Variants in DLC1 observed in about 807,000 individuals in gnomAD.
The protein encoded by DLC1 is DLC1 Rho GTPase activating protein.
In DLC1, 54 loss-of-function variants were observed where a neutral mutation model predicts 140.3. The observed-to-expected ratio is 0.38, with a 90% CI of 0.31 to 0.48. The LOEUF is 0.48. Among genes scored for constraint, DLC1 ranks in the 20% least tolerant of loss-of-function variants. DLC1 has a pLI of 0.96. For synonymous variants in DLC1, 986 were observed against 728.1 expected, an observed-to-expected ratio of 1.35 and a Z score of -5.70; for missense variants, 2,536 against 1,907.0, an observed-to-expected ratio of 1.33 and a Z score of -6.14.
chr8:13,233,662 A>G (rs1829155962), intron 5 of DLC1, among the ~76,000 whole-genome samples: 1 of 152,242 alleles, frequency 6.6e-6, no homozygotes, highest in Non-Finnish European at 1.5e-5. Flanking sequence ...ATCTTCTATC[A>G]CATTGCTTCA....
intron 4 of DLC1, among the ~76,000 whole-genome samples, chr8:13,320,507 G>T (rs1193633656): frequency 6.6e-6 from 1 of 152,118 alleles, no homozygotes; most frequent in African/African-American, 2.4e-5. Flanking sequence ...TAATAGAGCA[G>T]GGTCTCAAAG....
intron 2 of DLC1, among the ~76,000 whole-genome samples, chr8:13,466,967 C>T (rs1482700810): frequency 1.4e-5 from 2 of 144,540 alleles, no homozygotes; most frequent in African/African-American, 5.0e-5. Flanking sequence ...AACCCCTCCA[C>T]GTTATTGACT....
At chr8:13,519,711 C>G (rs1291492073), upstream of DLC1, among the ~76,000 whole-genome samples, 5 of 151,998 alleles carry the variant, frequency 3.3e-5, no homozygotes, top group African/African-American at 9.7e-5. Context: ...GTTCATTATC[C>G]CACTTCACTG....
At chr8:13,112,320 C>T (rs535775179) in intron 6 of DLC1, among the ~76,000 whole-genome samples, 2 of 152,224 alleles carry the variant, frequency 1.3e-5, no homozygotes, top group African/African-American at 2.4e-5. Flanking sequence ...CTTATGATTA[C>T]TGGTTTTATG....
intron 4 of DLC1, among the ~76,000 whole-genome samples, chr8:13,388,606 T>C (rs1315346158): frequency 6.6e-6 from 1 of 152,066 alleles, no homozygotes; most frequent in African/African-American, 2.4e-5. Context: ...AACACAGGCT[T>C]TTTGAAAATA....
At chr8:13,385,489 C>T (rs371096732) in intron 4 of DLC1, among the ~76,000 whole-genome samples, 4 of 151,976 alleles carry the variant, frequency 2.6e-5, no homozygotes, top group African/African-American at 4.8e-5. Context: ...ATAAATGAAG[C>T]GAGTACATAA....
intron 1 of DLC1, among the ~76,000 whole-genome samples, chr8:13,541,077 A>G (rs1218570859): frequency 1.3e-5 from 2 of 152,204 alleles, no homozygotes; most frequent in African/African-American, 4.8e-5. Context: ...AAATTAACCA[A>G]TTTTAAGTGT....
intron 4 of DLC1, among the ~76,000 whole-genome samples, chr8:13,331,378 T>C (rs1202160162): frequency 1.3e-5 from 2 of 152,128 alleles, no homozygotes; most frequent in Admixed American, 1.3e-4. Context: ...AGAGAACAAG[T>C]TCTAAGCTGA....
intron 5 of DLC1, among the ~76,000 whole-genome samples, chr8:13,258,790 ACTGT>A (rs1189963632): frequency 6.6e-6 from 1 of 151,964 alleles, no homozygotes; most frequent in Non-Finnish European, 1.5e-5. Flanking sequence ...TGGGTGGGAG[ACTGT>A]CTGGAGCTAG....
At chr8:13,435,158 C>T (rs1839062165) in intron 2 of DLC1, among the ~76,000 whole-genome samples, 1 of 152,110 alleles carries the variant, frequency 6.6e-6, no homozygotes, top group South Asian at 2.1e-4. Context: ...CATGAACAGG[C>T]ATTTGGGAGA....
intron 2 of DLC1, among the ~76,000 whole-genome samples, chr8:13,437,890 C>G (rs1042836508): frequency 6.6e-6 from 1 of 151,990 alleles, no homozygotes; most frequent in African/African-American, 2.4e-5. Context: ...AGAGTTGTGG[C>G]TGCTTCAGAC....
chr8:13,144,771 A>T (rs796224178), intron 5 of DLC1, among the ~76,000 whole-genome samples: 55 of 152,252 alleles, frequency 3.6e-4, no homozygotes, highest in African/African-American at 1.3e-3. Flanking sequence ...CCTCATAAAC[A>T]AATTAAATAA....
chr8:13,105,500 G>A (rs1254510078), intron 7 of DLC1, among the ~76,000 whole-genome samples: 1 of 152,066 alleles, frequency 6.6e-6, no homozygotes, highest in African/African-American at 2.4e-5. Context: ...AGGAAATGGG[G>A]CTCAGGGAGG....
At position 13,489,430 on chromosome 8, in the gene DLC1, C is replaced by CAA. The variant is rs370929989; in HGVS notation, c.1023+9618_1023+9619insTT. On this transcript the variant is annotated intron_variant, in intron 2 of 17. Coordinates refer to ENST00000276297, the MANE Select transcript of DLC1 (RefSeq NM_182643.3). Reference sequence around the variant, plus strand: ...CACACCATACACACACACACACACACACACACACACACACACACAAAATGT... The same window carrying CAA: ...CACACCATACACACACACACACACACAAACACACACACACACACACAAAATGT... Among the ~76,000 whole-genome samples, 314 of 149,096 alleles carry CAA rather than the reference C, an allele frequency of 2.1e-3. 5 individuals are homozygous for CAA. Among genetic ancestry groups the CAA allele is most frequent in the African/African-American group, 6.9e-3 (280 of 40,446 alleles).
intron 4 of DLC1, among the ~76,000 whole-genome samples, chr8:13,337,008 G>A (rs1253797759): frequency 6.6e-6 from 1 of 152,130 alleles, no homozygotes; most frequent in African/African-American, 2.4e-5. Context: ...AAAATCAATT[G>A]TTTCTGGTCA....
rs531338862 is a variant in DLC1 at position 13,456,030 on chromosome 8, A to C, written c.1023+43019T>G. ...CTAATTCAACAAGTGTTGTCTTCCAAAGAGTGTTCTAAAGAATTAAAAAGC... is the reference window on the plus strand; with the variant it reads ...CTAATTCAACAAGTGTTGTCTTCCACAGAGTGTTCTAAAGAATTAAAAAGC... On this transcript the variant is annotated intron_variant, in intron 2 of 17. Coordinates refer to ENST00000276297, the MANE Select transcript of DLC1 (RefSeq NM_182643.3). 5.9e-5 allele frequency among the ~76,000 whole-genome samples: 9 copies of C among 152,326 alleles called. No individual in the cohort carries two copies. The East Asian group carries it at 1.5e-3, about 26-fold the overall frequency.
chr8:13,393,575 G>C lies in DLC1; in HGVS notation c.1292C>G (p.Ser431Cys), dbSNP rs910664104. Residue 431 changes from serine to cysteine, a missense_variant, in exon 4 of 18, where the codon TCT becomes TGT. Coordinates refer to ENST00000276297, the MANE Select transcript of DLC1 (RefSeq NM_182643.3). ...CACCGTAGTCTTGGGTTTGGTTCCA[G>C]AATTGGCTACTGGAGTGGAAGATGG... is the stretch of plus-strand genomic sequence containing the variant. ...DLPSSTPVANSGTKPKTTAIQ... is the reference protein window; with the variant it reads ...DLPSSTPVANCGTKPKTTAIQ... 2 of 1,614,072 alleles carry C rather than the reference G, an allele frequency of 1.2e-6. No individual in the cohort carries two copies. Among genetic ancestry groups the C allele is most frequent in the Admixed American group, 3.3e-5 (2 of 60,010 alleles).
intron 2 of DLC1, among the ~76,000 whole-genome samples, chr8:13,476,885 A>G (rs946519187): frequency 5.3e-5 from 8 of 152,218 alleles, no homozygotes; most frequent in African/African-American, 1.9e-4. Flanking sequence ...AAAGAAGATG[A>G]TTAAAATATC....
chr8:13,164,559 A>G (rs1824964950), intron 5 of DLC1, among the ~76,000 whole-genome samples: 1 of 152,052 alleles, frequency 6.6e-6, no homozygotes, highest in Non-Finnish European at 1.5e-5. Flanking sequence ...ATTAATTTTA[A>G]CGGGATCTTA....
Sources: allele counts gnomAD v4.1 joint callset (sites outside exome capture counted in the v4.1 genomes callset), GRCh38; gene constraint gnomAD v4.1.1; transcripts MANE v1.5; gene names NCBI Gene and HGNC (gene_info 2026-07-23, HGNC 2026-07-21).